Variants in DNMT3A observed in about 807,000 individuals in gnomAD.
DNMT3A encodes DNA methyltransferase 3 alpha.
DNMT3A carries 267 observed loss-of-function variants against 117.6 expected under a neutral mutation model. That is an observed-to-expected ratio of 2.27 (90% CI 2.05 to 2.51). The LOEUF (loss-of-function observed/expected upper bound fraction) is 2.51, where lower values mean the gene tolerates loss of function less well. Ranked by LOEUF, DNMT3A falls within the 30% of genes most tolerant of loss-of-function variation. The pLI is 0.00. For missense variants in DNMT3A, 1,029 were observed against 1,260.2 expected (o/e 0.82, Z 2.78); for synonymous variants, 432 against 474.8 (o/e 0.91, Z 1.17).
rs757388328 is a variant in DNMT3A at position 25,281,435 on chromosome 2, G to A, written c.448+1006C>T. ...CATACATATTTGTCGAATAATAAAT[G>A]AATAAAAGCTTCTTAATAAGTTTGG... On this transcript the variant is annotated intron_variant, in intron 4 of 22. Transcript: ENST00000321117. The surrounding 1 kb of genome is among the most constrained non-coding windows in gnomAD (Gnocchi z 4.8). The A allele has an allele frequency of 1.1e-5, 11 of 1,037,308 alleles. No homozygotes were observed. Among genetic ancestry groups the A allele is most frequent in the African/African-American group, 1.7e-5 (1 of 59,500 alleles). 64.3% of individuals were successfully genotyped at this position (1,037,308 alleles called of 1,614,324 possible).
At chr2:25,315,874 G>A (rs1308434282) in intron 1 of DNMT3A, among the ~76,000 whole-genome samples, 1 of 152,190 alleles carries the variant, frequency 6.6e-6, no homozygotes, top group Non-Finnish European at 1.5e-5. Flanking sequence ...GACATCTCCA[G>A]CCACACTAAA....
intron 2 of DNMT3A, among the ~76,000 whole-genome samples, chr2:25,308,985 A>ACACACACG (rs1553430150): frequency 1.3e-5 from 2 of 152,016 alleles, no homozygotes; most frequent in Admixed American, 1.3e-4. Context: ...ACACACACAC[A>ACACACACG]CACACACACA....
At chr2:25,239,462 A>T (rs887133264) in intron 19 of DNMT3A, 2 of 617,166 alleles carry the variant, frequency 3.2e-6, no homozygotes, top group African/African-American at 3.6e-5. Context: ...TGTCCTCTAC[A>T]CTGTTCAATT....
rs1674392404 is a variant in DNMT3A, at chr2:25,243,941, CCTCTTCTCAG to C, written c.1883_1892del (p.Ala628GlyfsTer20). On this transcript the variant is annotated frameshift_variant, in exon 16 of 23. Coordinates refer to ENST00000321117, the MANE Select transcript of DNMT3A (RefSeq NM_022552.5). LOFTEE classifies it high-confidence loss of function. The stretch of plus-strand genomic sequence containing the variant: ...AGAGAGACAGCACCCGGATGGGCTT[CCTCTTCTCAG>C]CTGGGACAGGTGGGTAAACCTTTGG... 1 of 1,552,560 alleles carries C rather than the reference CCTCTTCTCAG, an allele frequency of 6.4e-7. No individual in the cohort carries two copies.
chr2:25,280,080 G>C (rs1406438442), intron 4 of DNMT3A, among the ~76,000 whole-genome samples: 1 of 152,086 alleles, frequency 6.6e-6, no homozygotes, highest in African/African-American at 2.4e-5. Context: ...CCACCTGTCT[G>C]AAAGTCCCAG....
At chr2:25,240,185 C>CT (rs1303644940) in intron 19 of DNMT3A, 117 bp downstream of exon 19, 59 of 1,466,546 alleles carry the variant, frequency 4.0e-5, no homozygotes, top group Non-Finnish European at 5.5e-5. Context: ...CAAACAGGCC[C>CT]CTTGCAAAGC....
At chr2:25,299,398 C>A (rs2033288693) in intron 3 of DNMT3A, among the ~76,000 whole-genome samples, 1 of 152,228 alleles carries the variant, frequency 6.6e-6, no homozygotes, top group Non-Finnish European at 1.5e-5. Context: ...TTTGATCAGA[C>A]TCCCAGGCCT....
intron 19 of DNMT3A, 44 bp from the exon 20 acceptor site, chr2:25,239,259 T>C (rs757658409): frequency 1.3e-6 from 2 of 1,573,218 alleles, no homozygotes; most frequent in Non-Finnish European, 1.7e-6. Flanking sequence ...AGGAGGAGCA[T>C]GAAACAGCGC....
Position 25,247,696 on chromosome 2 carries a change from GA to G in DNMT3A, c.908del (p.Phe303SerfsTer13). 2 of 1,613,592 alleles carry G rather than the reference GA, an allele frequency of 1.2e-6. No individual in the cohort carries two copies. The highest frequency in any genetic ancestry group is 1.7e-6 in the Non-Finnish European group (2 of 1,179,980). On this transcript the variant is annotated frameshift_variant, in exon 8 of 23. Transcript: ENST00000321117. LOFTEE classifies it high-confidence loss of function. The surrounding 1 kb of genome is among the most constrained non-coding windows in gnomAD (Gnocchi z 5.6). ...GELVWGKLRG[F>X]SWWPGRIVSW... ...ACACAATGCGGCCTGGCCACCAGGA[GA>G]AGCCCCGCAGTTTCCCCCACACCAG...
intron 3 of DNMT3A, among the ~76,000 whole-genome samples, chr2:25,290,614 G>A (rs754960789): frequency 6.6e-6 from 1 of 152,240 alleles, no homozygotes; most frequent in African/African-American, 2.4e-5. Context: ...GAGCCACCAC[G>A]CCCGGCCAGA....
chr2:25,292,614 C>T (rs564131804), intron 3 of DNMT3A, among the ~76,000 whole-genome samples: 1 of 152,210 alleles, frequency 6.6e-6, no homozygotes, highest in Non-Finnish European at 1.5e-5. Context: ...ATTTCATAGC[C>T]TTAATCACAT....
chr2:25,239,555 G>C, intron 19 of DNMT3A: 1 of 549,800 alleles, frequency 1.8e-6, no homozygotes, highest in East Asian at 4.0e-5. Flanking sequence ...AATGGTTAAT[G>C]TTAATGTAAA....
intron 1 of DNMT3A, among the ~76,000 whole-genome samples, chr2:25,318,848 C>T (rs183254692): frequency 1.2e-3 from 169 of 141,116 alleles, no homozygotes; most frequent in Non-Finnish European, 2.0e-3. Context: ...CAGGCGCCCA[C>T]CACCATGCCT....
intron 6 of DNMT3A, 61 bp downstream of exon 6, chr2:25,274,880 A>T: frequency 3.2e-6 from 5 of 1,562,442 alleles, no homozygotes; most frequent in Non-Finnish European, 4.3e-6. Flanking sequence ...ACTGAGGCCC[A>T]TCACTTCTGG....
intron 1 of DNMT3A, 74 bp downstream of exon 1, chr2:25,341,752 C>T: frequency 1.1e-6 from 1 of 947,368 alleles, no homozygotes; most frequent in South Asian, 4.8e-5. Context: ...AGCCGCGGCG[C>T]CCCCCGCCCG....
Position 25,247,615 on chromosome 2 carries a change from C to T in DNMT3A, c.990G>A (p.Trp330Ter), listed in dbSNP as rs757340349. 5.0e-6 allele frequency: 8 copies of T among 1,613,986 alleles called. No homozygotes were observed. Among genetic ancestry groups the T allele is most frequent in the African/African-American group, 1.3e-5 (1 of 74,918 alleles). ...CCACTGAGAATTTGCCGTCTCCGAA[C>T]CACATGACCCAGCGGGTGCCTTCAG... ...RAAEGTRWVMWFGDGKFSVVC... is the reference protein window; with the variant it reads ...RAAEGTRWVM The change falls in exon 8 of 23, where the codon TGG becomes TGA. Residue 330 changes from tryptophan (W) to a stop codon, truncating the protein, a stop_gained. Coordinates refer to ENST00000321117, the MANE Select transcript of DNMT3A (RefSeq NM_022552.5). LOFTEE classifies it high-confidence loss of function. The surrounding 1 kb of genome is among the most constrained non-coding windows in gnomAD (Gnocchi z 5.6).
chr2:25,281,837 C>G lies in DNMT3A; in HGVS notation c.448+604G>C. ...GAAGAGGCCTGGGCTGGGCAGTACACAGAATACAATCACCCAGCCCTCTCC... is the reference window on the plus strand; with the variant it reads ...GAAGAGGCCTGGGCTGGGCAGTACAGAGAATACAATCACCCAGCCCTCTCC... On this transcript the variant is annotated intron_variant, in intron 4 of 22. Transcript: ENST00000321117. The surrounding 1 kb of genome is among the most constrained non-coding windows in gnomAD (Gnocchi z 4.8). 2 of 1,067,640 alleles carry G rather than the reference C, an allele frequency of 1.9e-6. No individual in the cohort carries two copies. The highest frequency in any genetic ancestry group is 2.3e-6 in the Non-Finnish European group (2 of 880,760). The allele number at this position is 1,067,640 out of a possible 1,614,324, so 66.1% of individuals were successfully genotyped here. A position where few individuals can be genotyped will look rare whatever the true frequency, so the allele number is the denominator to read the frequency against.
intron 19 of DNMT3A, chr2:25,239,653 G>C: frequency 2.2e-6 from 1 of 457,768 alleles, no homozygotes; most frequent in Admixed American, 2.4e-5. Flanking sequence ...CAGCGAGTAT[G>C]GGTGTGTTTA....
chr2:25,251,378 G>T (rs1363592909), intron 6 of DNMT3A, among the ~76,000 whole-genome samples: 2 of 152,020 alleles, frequency 1.3e-5, no homozygotes, highest in South Asian at 4.1e-4. Flanking sequence ...CAGGGGGGCG[G>T]AGAAACCAGG....
Sources: gnomAD v4.1 joint callset for allele counts (sites outside exome capture counted in the v4.1 genomes callset) on GRCh38, gnomAD v4.1.1 for gene constraint, Gnocchi (gnomAD v3.1) non-coding constraint, MANE v1.5 for transcripts, NCBI Gene and HGNC (gene_info 2026-07-23, HGNC 2026-07-21) for gene names.